CIB4: variants seen among roughly 807,000 people sequenced by gnomAD.
CIB4 encodes the protein calcium and integrin binding family member 4.
A neutral mutation model predicts 25.8 loss-of-function variants in CIB4; 25 were observed. The observed-to-expected ratio is 0.97, with a 90% confidence interval of 0.71 to 1.35. The LOEUF (loss-of-function observed/expected upper bound fraction) is 1.35, where lower values mean the gene tolerates loss of function less well. Ranked by LOEUF, CIB4 falls within the 40% of genes most tolerant of loss-of-function variation. CIB4 has a pLI of 0.00. For synonymous variants in CIB4, 75 were observed against 81.4 expected, an observed-to-expected ratio of 0.92 and a Z score of 0.42; for missense variants, 235 against 228.2, an observed-to-expected ratio of 1.03 and a Z score of -0.19.
chr2:26,608,517 C>T (rs904955627), intron 3 of CIB4, among the ~76,000 whole-genome samples: 2 of 152,188 alleles, frequency 1.3e-5, no homozygotes, highest in African/African-American at 4.8e-5. Flanking sequence ...CGTGGACAAT[C>T]CTTAGACTAC....
intron 3 of CIB4, among the ~76,000 whole-genome samples, chr2:26,626,727 G>T (rs1166721648): frequency 6.6e-6 from 1 of 152,142 alleles, no homozygotes; most frequent in Non-Finnish European, 1.5e-5. Context: ...CTCCAGAAAA[G>T]GTGAAGCATC....
chr2:26,589,051 TTCTTCTTCC>T (rs879325236), intron 4 of CIB4, among the ~76,000 whole-genome samples: 1,146 of 51,060 alleles, frequency 0.022, 34 homozygotes, highest in Admixed American at 0.031. Flanking sequence ...CTTCTTCTTC[TTCTTCTTCC>T]TCTTCCTCTT....
At position 26,615,387 on chromosome 2, in the gene CIB4, C is replaced by G. The variant is rs141268676; in HGVS notation, c.186+14023G>C. Among the ~76,000 whole-genome samples, 297 of 152,294 alleles carry G rather than the reference C, an allele frequency of 2.0e-3. 2 individuals carry two copies. The highest frequency in any genetic ancestry group is 6.8e-3 in the African/African-American group (283 of 41,562). On this transcript the variant is annotated intron_variant, in intron 3 of 6. Coordinates refer to ENST00000288861, the MANE Select transcript of CIB4 (RefSeq NM_001029881.3). ...ATAGGCTGCAGGGTACAGAATCTCC[C>G]CTACCTCCCAGGATGCCCTGGGAGA...
intron 4 of CIB4, among the ~76,000 whole-genome samples, chr2:26,588,032 T>C (rs1185167366): frequency 2.0e-5 from 3 of 152,194 alleles, no homozygotes; most frequent in Non-Finnish European, 4.4e-5. Context: ...TGCTTGTCAG[T>C]GTCAGGACTG....
intron 5 of CIB4, among the ~76,000 whole-genome samples, chr2:26,583,353 C>T (rs190623822): frequency 2.0e-5 from 3 of 152,242 alleles, no homozygotes; most frequent in African/African-American, 7.2e-5. Context: ...TTTGCAGGGC[C>T]GTCCTCGTGT....
At chr2:26,616,290 GC>G (rs1669091371) in intron 3 of CIB4, among the ~76,000 whole-genome samples, 1 of 152,238 alleles carries the variant, frequency 6.6e-6, no homozygotes, top group Admixed American at 6.5e-5. Context: ...CGTGCCTGCA[GC>G]CCTGGGTGAG....
At chr2:26,590,246 C>T (rs1197973629) in intron 4 of CIB4, among the ~76,000 whole-genome samples, 2 of 124,536 alleles carry the variant, frequency 1.6e-5, no homozygotes, top group Non-Finnish European at 3.2e-5. Context: ...GGAGCTGGGG[C>T]CCAAGCATCT....
chr2:26,610,535 G>A (rs1008635025), intron 3 of CIB4, among the ~76,000 whole-genome samples: 2 of 152,220 alleles, frequency 1.3e-5, no homozygotes, highest in African/African-American at 4.8e-5. Context: ...TGGGGACTTT[G>A]CCCCAATAGT....
At chr2:26,624,541 A>G (rs1278996883) in intron 3 of CIB4, among the ~76,000 whole-genome samples, 1 of 152,134 alleles carries the variant, frequency 6.6e-6, no homozygotes, top group Non-Finnish European at 1.5e-5. Flanking sequence ...GTCTGAAAAC[A>G]CTCGAGGCTT....
intron 4 of CIB4, among the ~76,000 whole-genome samples, chr2:26,588,960 C>T (rs1443713022): frequency 2.0e-5 from 3 of 147,620 alleles, no homozygotes; most frequent in Non-Finnish European, 4.5e-5. Flanking sequence ...TGGCTGCTGC[C>T]GCTGCTGCCG....
rs1399767081 is a variant in CIB4, at chr2:26,599,997, C to G, written c.187-4680G>C. ...CTGAGGCAAGAGAATCGTTTGAACC[C>G]AGGAGGCAGAGGTTGCAGTGAACCA... On this transcript the variant is annotated intron_variant, in intron 3 of 6. Coordinates refer to ENST00000288861, the MANE Select transcript of CIB4 (RefSeq NM_001029881.3). Among the ~76,000 whole-genome samples the G allele has an allele frequency of 1.4e-5, 2 of 143,944 alleles. 1 individual carries two copies. The highest frequency in any genetic ancestry group is 3.0e-5 in the Non-Finnish European group (2 of 66,288). The allele number at this position is 143,944 out of a possible 152,430, so 94.4% of individuals were successfully genotyped here.
Position 26,581,245 on chromosome 2 carries a change from A to T in CIB4, c.*118T>A. The T allele has an allele frequency of 1.3e-6, 1 of 785,802 alleles. No homozygotes were observed. Among genetic ancestry groups the T allele is most frequent in the Non-Finnish European group, 2.2e-6 (1 of 450,996 alleles). The allele number at this position is 785,802 out of a possible 1,614,324, so 48.7% of individuals were successfully genotyped here. A position where few individuals can be genotyped will look rare whatever the true frequency, so the allele number is the denominator to read the frequency against. Reference sequence around the variant, plus strand: ...TCTTTTATCTAATAAACAATATTCTAGAGGTGAGTGTGGGCCCAGTACAAA... The same window carrying T: ...TCTTTTATCTAATAAACAATATTCTTGAGGTGAGTGTGGGCCCAGTACAAA... On this transcript the variant is annotated 3_prime_UTR_variant, in exon 7 of 7. Coordinates refer to ENST00000288861, the MANE Select transcript of CIB4 (RefSeq NM_001029881.3).
intron 4 of CIB4, among the ~76,000 whole-genome samples, chr2:26,589,254 C>T (rs1171693252): frequency 2.7e-5 from 4 of 149,086 alleles, no homozygotes; most frequent in African/African-American, 5.0e-5. Flanking sequence ...TCTCCTTCCT[C>T]CTATTCTCCT....
rs571643074 is a variant in CIB4 at position 26,584,464 on chromosome 2, C to T, written c.329-566G>A. 3.3e-5 allele frequency among the ~76,000 whole-genome samples: 5 copies of T among 152,286 alleles called. No individual in the cohort carries two copies. In the South Asian group the frequency reaches 1.0e-3, roughly 32 times the overall value. On this transcript the variant is annotated intron_variant, in intron 4 of 6. Coordinates refer to ENST00000288861, the MANE Select transcript of CIB4 (RefSeq NM_001029881.3). ...GTAGCTCTGTGATCTGGGCATGTGC[C>T]CTCACCTCTGCAGTGAAGGGGGACA...
intron 2 of CIB4, 129 bp from the exon 3 acceptor site, chr2:26,629,635 T>C (rs1669378603): frequency 6.1e-6 from 4 of 655,108 alleles, no homozygotes; most frequent in Non-Finnish European, 1.1e-5. Flanking sequence ...GAAGGAGACT[T>C]GGGGTTGGCT....
At chr2:26,601,231 A>AAAATAT (rs1395827334) in intron 3 of CIB4, among the ~76,000 whole-genome samples, 16 of 17,222 alleles carry the variant, frequency 9.3e-4, no homozygotes, top group African/African-American at 1.6e-3. Flanking sequence ...AAAAAAAAAA[A>AAAATAT]ATATATATAT....
Position 26,629,814 on chromosome 2 carries a change from G to A in CIB4, c.90-308C>T, listed in dbSNP as rs984261100. Among the ~76,000 whole-genome samples the A allele has an allele frequency of 4.6e-5, 7 of 152,310 alleles. No homozygotes were observed. In the East Asian group the frequency reaches 5.8e-4, roughly 13 times the overall value. The stretch of plus-strand genomic sequence containing the variant: ...CCCTGTAGCGAGCAGCACACTCTAC[G>A]AGGGTTCATCATAGAATGTCAGAAC... On this transcript the variant is annotated intron_variant, in intron 2 of 6. Transcript: ENST00000288861.
chr2:26,593,437 A>G (rs1252352714), intron 4 of CIB4, among the ~76,000 whole-genome samples: 2 of 151,550 alleles, frequency 1.3e-5, no homozygotes, highest in African/African-American at 4.9e-5. Flanking sequence ...TATACACACT[A>G]TATATACCCA....
At chr2:26,582,716 A>T in intron 6 of CIB4, 109 bp downstream of exon 6, 1 of 618,164 alleles carries the variant, frequency 1.6e-6, no homozygotes, top group Non-Finnish European at 2.9e-6. Flanking sequence ...CTGGAAACTC[A>T]CAGCCTTCTT....
Sources: gnomAD v4.1 joint callset for allele counts (sites outside exome capture counted in the v4.1 genomes callset) on GRCh38, gnomAD v4.1.1 for gene constraint, MANE v1.5 for transcripts, NCBI Gene and HGNC (gene_info 2026-07-23, HGNC 2026-07-21) for gene names.